SLC17A2: variants seen among roughly 807,000 people sequenced by gnomAD.
SLC17A2 encodes sodium-dependent phosphate transport protein 3.
In SLC17A2, 38 loss-of-function variants were observed where a neutral mutation model predicts 52.1. The observed-to-expected ratio is 0.73, with a 90% CI of 0.56 to 0.96. The LOEUF (loss-of-function observed/expected upper bound fraction) is 0.96. SLC17A2 is among the 40% of genes least tolerant of loss of function. The probability of loss-of-function intolerance (pLI) is 0.00; values close to 1 mark genes in which losing one functional copy is unlikely to be tolerated. For synonymous variants in SLC17A2, 226 were observed against 211.9 expected (o/e 1.07, Z -0.58); for missense variants, 508 against 583.9 (o/e 0.87, Z 1.34).
intron 10 of SLC17A2, among the ~76,000 whole-genome samples, chr6:25,915,102 T>G (rs1399162267): frequency 1.4e-5 from 2 of 143,864 alleles, no homozygotes; most frequent in Admixed American, 1.4e-4. Context: ...GGATTAGATG[T>G]GTTGATATAT....
At chr6:25,919,489 C>G (rs530277211) in intron 5 of SLC17A2, among the ~76,000 whole-genome samples, 4 of 151,482 alleles carry the variant, frequency 2.6e-5, no homozygotes, top group East Asian at 3.9e-4. Flanking sequence ...GGGCGGATCA[C>G]GAGGTCAGGA....
intron 11 of SLC17A2, among the ~76,000 whole-genome samples, 192 bp from the exon 12 acceptor site, chr6:25,913,643 G>A (rs1766186017): frequency 1.3e-5 from 2 of 152,188 alleles, no homozygotes; most frequent in African/African-American, 2.4e-5. Context: ...TCTGAGTTGA[G>A]ATGGTTATTT....
intron 1 of SLC17A2, among the ~76,000 whole-genome samples, chr6:25,927,968 T>A (rs961583860): frequency 2.6e-5 from 4 of 152,188 alleles, no homozygotes; most frequent in African/African-American, 9.7e-5. Flanking sequence ...CAAGATCCCG[T>A]GGCTTGGCTG....
intron 1 of SLC17A2, among the ~76,000 whole-genome samples, chr6:25,929,600 A>C (rs1247556083): frequency 1.3e-5 from 2 of 152,210 alleles, no homozygotes; most frequent in African/African-American, 2.4e-5. Context: ...AAAACATAGA[A>C]GCAATTCCTT....
chr6:25,915,553 G>A lies in SLC17A2; in HGVS notation c.1157C>T (p.Thr386Ile), dbSNP rs747449715. The change falls in exon 10 of 12, where the codon ACC becomes ATC. Residue 386 changes from threonine to isoleucine, a missense_variant. Coordinates refer to ENST00000377850, the MANE Select transcript of SLC17A2 (RefSeq NM_001286123.3). Reference protein sequence around the residue: ...TIILLILIPGTSNLCDSGFII... With the variant: ...TIILLILIPGISNLCDSGFII... ...AAACCCTGAGTCACATAGGTTACTG[G>A]TCCCAGGAATAAGTATCAGCAAAAT... The A allele has an allele frequency of 6.3e-7, 1 of 1,587,650 alleles. No individual in the cohort carries two copies. The highest frequency in any genetic ancestry group is 2.3e-5 in the East Asian group (1 of 43,610).
intron 6 of SLC17A2, 133 bp downstream of exon 6, chr6:25,918,354 C>A: frequency 1.6e-6 from 1 of 642,222 alleles, no homozygotes; most frequent in South Asian, 1.8e-5. Flanking sequence ...ATGATACCAA[C>A]CGTTGACATT....
At position 25,912,807 on chromosome 6, in the gene SLC17A2, A is replaced by G. The variant is rs1332534369; in HGVS notation, c.*510T>C. 6.6e-6 allele frequency: 1 copy of G among 152,196 alleles called. No homozygotes were observed. Among genetic ancestry groups the G allele is most frequent in the Admixed American group, 6.5e-5 (1 of 15,278 alleles). 9.4% of individuals were successfully genotyped at this position (152,196 alleles called of 1,614,324 possible). On this transcript the variant is annotated 3_prime_UTR_variant, in exon 12 of 12. Coordinates refer to ENST00000377850, the MANE Select transcript of SLC17A2 (RefSeq NM_001286123.3). The stretch of plus-strand genomic sequence containing the variant: ...AATTTAATCACATAAATAAACGTCT[A>G]TGTTTTACAATGTATAAAAAATAAT...
chr6:25,929,426 G>T (rs888771702), intron 1 of SLC17A2, among the ~76,000 whole-genome samples: 5 of 152,154 alleles, frequency 3.3e-5, no homozygotes, highest in Non-Finnish European at 7.3e-5. Context: ...CACAATATTG[G>T]CAGTCTAGCC....
Position 25,918,488 on chromosome 6 carries a change from A to C in SLC17A2, c.648T>G (p.Phe216Leu). 6.2e-7 allele frequency: 1 copy of C among 1,609,172 alleles called. No homozygotes were observed. The highest frequency in any genetic ancestry group is 8.5e-7 in the Non-Finnish European group (1 of 1,175,558). The change falls in exon 6 of 12, where the codon TTT (phenylalanine) becomes TTG (leucine). Residue 216 changes from phenylalanine to leucine, a missense_variant and splice_region_variant. Phe to Leu is a conservative substitution (Grantham distance 22). Coordinates refer to ENST00000377850, the MANE Select transcript of SLC17A2 (RefSeq NM_001286123.3). ...AGGATTTAAGAGAAAGTGACTCACC[A>C]AAGATGTAGAAGATAAAAGGCCAGC... ...ALSWPFIFYI[F>L]GSTGCVCCLL...
Position 25,913,807 on chromosome 6 carries a change from GT to G in SLC17A2, c.1303-357del, listed in dbSNP as rs71544657. Among the ~76,000 whole-genome samples the G allele has an allele frequency of 3.6e-3, 519 of 144,560 alleles. 3 individuals carry two copies. Among genetic ancestry groups the G allele is most frequent in the African/African-American group, 0.012 (476 of 39,770 alleles). The allele number at this position is 144,560 out of a possible 152,430, so 94.8% of individuals were successfully genotyped here. A position where few individuals can be genotyped will look rare whatever the true frequency, so the allele number is the denominator to read the frequency against. Reference sequence around the variant, plus strand: ...TGTTGTTGTTGTTGCTGTTTGTTTTGTTTTTTTTTGTTTCTGTATTGGCTGT... The same window carrying G: ...TGTTGTTGTTGTTGCTGTTTGTTTTGTTTTTTTTGTTTCTGTATTGGCTGT... On this transcript the variant is annotated intron_variant, in intron 11 of 11. Coordinates refer to ENST00000377850, the MANE Select transcript of SLC17A2 (RefSeq NM_001286123.3).
chr6:25,913,569 C>T, intron 11 of SLC17A2, 118 bp from the exon 12 acceptor site: 1 of 937,080 alleles, frequency 1.1e-6, no homozygotes, highest in Non-Finnish European at 1.6e-6. Flanking sequence ...GAACAATGTG[C>T]AGTAGTTACT....
intron 1 of SLC17A2, 48 bp from the exon 2 acceptor site, chr6:25,925,927 T>C (rs1008509949): frequency 1.0e-5 from 10 of 966,934 alleles, no homozygotes; most frequent in Admixed American, 3.5e-5. Context: ...TAATTTCCCC[T>C]TGTTAATGTT....
At chr6:25,919,837 AG>A (rs1426608393) in intron 5 of SLC17A2, among the ~76,000 whole-genome samples, 1 of 150,846 alleles carries the variant, frequency 6.6e-6, no homozygotes, top group African/African-American at 2.4e-5. Flanking sequence ...GCAGAGCCAG[AG>A]GGAAGTGCAG....
At position 25,913,435 on chromosome 6, in the gene SLC17A2, C is replaced by T; in HGVS notation, c.1319G>A (p.Trp440Ter). ...FLISQDFESG[W>*]RNVFFLSAAV... ...AGCAGACAGGAAAAAGACATTCCTCCAACCAGACTCAAAATCCTAGATGTA... is the reference window on the plus strand; with the variant it reads ...AGCAGACAGGAAAAAGACATTCCTCTAACCAGACTCAAAATCCTAGATGTA... Residue 440 changes from tryptophan to a stop codon, truncating the protein, a stop_gained, in exon 12 of 12, where the codon TGG becomes TAG. Transcript: ENST00000377850. LOFTEE classifies it high-confidence loss of function. 1 of 1,614,020 alleles carries T rather than the reference C, an allele frequency of 6.2e-7. No homozygotes were observed.
chr6:25,913,234 T>A lies in SLC17A2; in HGVS notation c.*83A>T, dbSNP rs1158305875. On this transcript the variant is annotated 3_prime_UTR_variant, in exon 12 of 12. Transcript: ENST00000377850. ...AGCCAGAGTTAAGAACTGCTGAGTC[T>A]ATGGTCAGGAATATGGAGAGAAGTA... 3 of 1,468,198 alleles carry A rather than the reference T, an allele frequency of 2.0e-6. No individual in the cohort carries two copies. Among genetic ancestry groups the A allele is most frequent in the Non-Finnish European group, 1.9e-6 (2 of 1,049,212 alleles). 90.9% of individuals were successfully genotyped at this position (1,468,198 alleles called of 1,614,324 possible).
chr6:25,924,344 C>T (rs550299027), intron 2 of SLC17A2, among the ~76,000 whole-genome samples: 3 of 152,224 alleles, frequency 2.0e-5, no homozygotes, highest in African/African-American at 7.2e-5. Context: ...TTATACATAA[C>T]GAGCTGCCTT....
At chr6:25,920,515 T>A (rs1425063365) in intron 5 of SLC17A2, among the ~76,000 whole-genome samples, 1 of 152,150 alleles carries the variant, frequency 6.6e-6, no homozygotes, top group African/African-American at 2.4e-5. Flanking sequence ...AAAATGGTAC[T>A]TATATGAGAG....
chr6:25,915,483 CAGGT>C lies in SLC17A2; in HGVS notation c.1211+12_1211+15del, dbSNP rs1486086418. 1 of 1,545,490 alleles carries C rather than the reference CAGGT, an allele frequency of 6.5e-7. No individual in the cohort carries two copies. The highest frequency in any genetic ancestry group is 8.7e-7 in the Non-Finnish European group (1 of 1,144,940). The stretch of plus-strand genomic sequence containing the variant: ...GAGGGGTCTGGAGGAGGGGAAAAAA[CAGGT>C]AGAGCTCTTACCTGGGGGCGATATC... On this transcript the variant is annotated intron_variant, in intron 10 of 11. Transcript: ENST00000377850.
Position 25,922,983 on chromosome 6 carries a change from G to T in SLC17A2, c.240+712C>A, listed in dbSNP as rs139536801. ...GGCCGAGGCGGGTGGATCACCTGAG[G>T]TCAGGAGTTCGAGACCAGCCTAGTG... On this transcript the variant is annotated intron_variant, in intron 3 of 11. Transcript: ENST00000377850. Among the ~76,000 whole-genome samples the T allele has an allele frequency of 4.3e-3, 656 of 152,144 alleles. 4 individuals are homozygous for T. Among genetic ancestry groups the T allele is most frequent in the African/African-American group, 0.014 (580 of 41,518 alleles).
Sources: allele counts gnomAD v4.1 joint callset (sites outside exome capture counted in the v4.1 genomes callset), GRCh38; gene constraint gnomAD v4.1.1; transcripts MANE v1.5; gene names NCBI Gene and HGNC (gene_info 2026-07-23, HGNC 2026-07-21).